Variants in ARK2C observed in about 807,000 individuals in gnomAD.
ARK2C encodes arkadia (RNF111) C-terminal like ring finger ubiquitin ligase 2C.
chr18:46,358,633 G>A, the ARK2C span, among the ~76,000 whole-genome samples: 3 of 152,116 alleles, frequency 2.0e-5, no homozygotes, highest in Non-Finnish European at 4.4e-5. Context: ...TGTCACCTAG[G>A]CTCGTAGAAT....
the ARK2C span, among the ~76,000 whole-genome samples, chr18:46,412,557 C>T: frequency 6.6e-6 from 1 of 152,236 alleles, no homozygotes; most frequent in African/African-American, 2.4e-5. Context: ...AGGCCGATGT[C>T]CAGTCATGTG....
the ARK2C span, among the ~76,000 whole-genome samples, chr18:46,371,563 T>C: frequency 6.6e-6 from 1 of 152,338 alleles, no homozygotes; most frequent in Admixed American, 6.5e-5. Flanking sequence ...AAGATCTTTA[T>C]GAAGCTTGGA....
At chr18:46,449,882 C>T in the ARK2C span, among the ~76,000 whole-genome samples, 2 of 152,174 alleles carry the variant, frequency 1.3e-5, no homozygotes, top group Admixed American at 6.5e-5. Context: ...AGGGAATGGA[C>T]TCTGCCACCC....
chr18:46,343,367 A>G, the ARK2C span, among the ~76,000 whole-genome samples: 8 of 152,256 alleles, frequency 5.3e-5, no homozygotes, highest in Admixed American at 5.2e-4. Context: ...GTTTCCTTCC[A>G]TCAATTCTCA....
At chr18:46,373,620 G>A in the ARK2C span, among the ~76,000 whole-genome samples, 1 of 152,242 alleles carries the variant, frequency 6.6e-6, no homozygotes, top group Non-Finnish European at 1.5e-5. Flanking sequence ...GAGGCTGAGA[G>A]CTGAGTGCTG....
chr18:46,353,803 GC>G, the ARK2C span, among the ~76,000 whole-genome samples: 5 of 152,184 alleles, frequency 3.3e-5, no homozygotes, highest in Admixed American at 3.3e-4. Flanking sequence ...GATACAGACA[GC>G]CCATGTCAAG....
At chr18:46,341,685 T>TC in the ARK2C span, among the ~76,000 whole-genome samples, 1 of 152,090 alleles carries the variant, frequency 6.6e-6, no homozygotes, top group African/African-American at 2.4e-5. Flanking sequence ...ACATGACTTG[T>TC]CCCCCCCAGA....
chr18:46,407,896 G>A, the ARK2C span, among the ~76,000 whole-genome samples: 1 of 152,232 alleles, frequency 6.6e-6, no homozygotes, highest in Admixed American at 6.5e-5. Flanking sequence ...ATACTGAGAA[G>A]CACAGAGATT....
chr18:46,401,019 C>T, the ARK2C span, among the ~76,000 whole-genome samples: 173 of 152,214 alleles, frequency 1.1e-3, no homozygotes, highest in East Asian at 3.3e-3. Flanking sequence ...GAACTGGAAA[C>T]GCTGGGGAGG....
At chr18:46,355,990 C>T in the ARK2C span, among the ~76,000 whole-genome samples, 4 of 152,270 alleles carry the variant, frequency 2.6e-5, no homozygotes, top group African/African-American at 9.6e-5. Context: ...TGGGCCAAGC[C>T]ACCCGTCTGG....
chr18:46,354,652 C>T, the ARK2C span, among the ~76,000 whole-genome samples: 6 of 152,220 alleles, frequency 3.9e-5, no homozygotes, highest in South Asian at 2.1e-4. Flanking sequence ...AAGATGCATG[C>T]GCTTTCACAT....
At chr18:46,410,286 AAG>A in the ARK2C span, among the ~76,000 whole-genome samples, 1 of 152,076 alleles carries the variant, frequency 6.6e-6, no homozygotes, top group Non-Finnish European at 1.5e-5. Flanking sequence ...TATCCCTAAT[AAG>A]AGAGAGAGAA....
At chr18:46,343,112 T>C in the ARK2C span, among the ~76,000 whole-genome samples, 2 of 152,238 alleles carry the variant, frequency 1.3e-5, no homozygotes, top group Admixed American at 6.5e-5. Flanking sequence ...TCTAGGCCGC[T>C]TGGTGCTGCT....
the ARK2C span, chr18:46,460,051 G>A: frequency 1.3e-5 from 2 of 152,666 alleles, no homozygotes. Context: ...ACCTGGCCAG[G>A]ACCCCCTTCG....
the ARK2C span, among the ~76,000 whole-genome samples, chr18:46,427,573 T>C: frequency 3.3e-5 from 5 of 152,250 alleles, no homozygotes; most frequent in Admixed American, 2.0e-4. Flanking sequence ...CAGAGCCTAC[T>C]TGGCCCCACT....
chr18:46,389,272 A>T, the ARK2C span, among the ~76,000 whole-genome samples: 1 of 152,218 alleles, frequency 6.6e-6, no homozygotes. Context: ...AAAGATAGAG[A>T]TTCAATGGGT....
chr18:46,460,432 G>A, the ARK2C span: 1 of 152,144 alleles, frequency 6.6e-6, no homozygotes, highest in Non-Finnish European at 1.5e-5. Flanking sequence ...AGGGTTTTGT[G>A]AGTTTAAATG....
chr18:46,429,256 T>A, the ARK2C span, among the ~76,000 whole-genome samples: 2 of 152,226 alleles, frequency 1.3e-5, no homozygotes, highest in African/African-American at 4.8e-5. Flanking sequence ...GATTTATTTT[T>A]AAAAATTGAT....
At chr18:46,433,588 G>T in the ARK2C span, 49 of 1,232,552 alleles carry the variant, frequency 4.0e-5, no homozygotes, top group Non-Finnish European at 5.3e-5. Flanking sequence ...GGGCCAGGAC[G>T]AGGGCGTGGC....
Sources: allele counts gnomAD v4.1 joint callset (sites outside exome capture counted in the v4.1 genomes callset), GRCh38; gene constraint gnomAD v4.1.1; transcripts MANE v1.5; gene names NCBI Gene and HGNC (gene_info 2026-07-23, HGNC 2026-07-21).